The following CSF2RA variants were observed in gnomAD, a reference collection of about 807,000 sequenced individuals.
CSF2RA encodes the protein granulocyte-macrophage colony-stimulating factor receptor subunit alpha.
Under a neutral mutation model 51.6 loss-of-function variants are expected in CSF2RA, and 42 were observed. That is an observed-to-expected ratio of 0.81 (90% CI 0.64 to 1.05). The LOEUF is 1.05. Among genes scored for constraint, CSF2RA ranks in the 50% least tolerant of loss-of-function variants. The pLI is 0.00. For missense variants in CSF2RA, 530 were observed against 501.1 expected, an observed-to-expected ratio of 1.06 and a Z score of -0.55; for synonymous variants, 222 against 193.0, an observed-to-expected ratio of 1.15 and a Z score of -1.24.
chrX:1,286,500 C>T (rs1384643421), intron 4 of CSF2RA, among the ~76,000 whole-genome samples: 22 of 147,988 alleles, frequency 1.5e-4, no homozygotes, highest in East Asian at 1.0e-3. Flanking sequence ...ACTCGGGAGG[C>T]GGAGGTTGCG....
At chrX:1,315,585 T>C in the CSF2RA span, among the ~76,000 whole-genome samples, 9 of 151,690 alleles carry the variant, frequency 5.9e-5, no homozygotes, top group African/African-American at 1.9e-4. Context: ...TTATATTTTT[T>C]GTAGAGACAG....
At chrX:1,295,294 G>C (rs1440051314) in intron 8 of CSF2RA, 133 bp from the exon 9 acceptor site, 2 of 1,116,332 alleles carry the variant, frequency 1.8e-6, no homozygotes, top group African/African-American at 3.1e-5. Context: ...TTTGTGGAGG[G>C]AGACCTGCCT....
intron 6 of CSF2RA, 166 bp downstream of exon 6, chrX:1,289,054 T>A: frequency 2.3e-6 from 2 of 884,950 alleles, no homozygotes; most frequent in Non-Finnish European, 3.5e-6. Context: ...CTCGACCTCC[T>A]GGGTTCAAGC....
intron 3 of CSF2RA, among the ~76,000 whole-genome samples, chrX:1,285,210 T>C (rs1212800107): frequency 1.3e-5 from 2 of 152,012 alleles, no homozygotes; most frequent in Non-Finnish European, 2.9e-5. Flanking sequence ...CTTCAGATGA[T>C]TTTTGAATAT....
chrX:1,310,082 C>T, downstream of CSF2RA: 1 of 325,916 alleles, frequency 3.1e-6, no homozygotes, highest in Non-Finnish European at 5.5e-6. Context: ...GTAGTGCCAG[C>T]TATCTGGGAG....
chrX:1,295,005 G>A (rs1455506335), intron 8 of CSF2RA, among the ~76,000 whole-genome samples: 1 of 148,510 alleles, frequency 6.7e-6, no homozygotes, highest in South Asian at 2.1e-4. Flanking sequence ...TAGACAAGAG[G>A]AGATCTTGTC....
intron 12 of CSF2RA, among the ~76,000 whole-genome samples, chrX:1,307,048 G>A (rs1186056123): frequency 1.3e-5 from 2 of 151,594 alleles, no homozygotes; most frequent in Non-Finnish European, 2.9e-5. Context: ...CAAGGGCGAG[G>A]AACCATGTGA....
the CSF2RA span, among the ~76,000 whole-genome samples, chrX:1,317,987 T>C: frequency 6.7e-6 from 1 of 148,206 alleles, no homozygotes; most frequent in Non-Finnish European, 1.5e-5. Context: ...TTTTCTTTTC[T>C]TTTTTTTTCT....
At chrX:1,298,551 C>T (rs1175177167) in intron 9 of CSF2RA, among the ~76,000 whole-genome samples, 5 of 104,208 alleles carry the variant, frequency 4.8e-5, no homozygotes, top group Admixed American at 2.2e-4. Flanking sequence ...TACTCACAAC[C>T]CCCGGTGGAA....
intron 9 of CSF2RA, 30 bp downstream of exon 9, chrX:1,295,486 C>T (rs369089209): frequency 9.9e-6 from 16 of 1,613,038 alleles, no homozygotes; most frequent in Admixed American, 1.7e-5. Context: ...CTACTGACAA[C>T]CCTCAGCGTA....
At chrX:1,314,934 A>AT (rs2084487719), downstream of CSF2RA, among the ~76,000 whole-genome samples, 1 of 82,646 alleles carries the variant, frequency 1.2e-5, no homozygotes, top group African/African-American at 4.7e-5. Flanking sequence ...ACCGCACTGC[A>AT]CTTGCCCAAC....
chrX:1,290,103 TTTTG>T (rs1211325192), intron 6 of CSF2RA, among the ~76,000 whole-genome samples: 5 of 149,260 alleles, frequency 3.3e-5, no homozygotes, highest in African/African-American at 1.2e-4. Flanking sequence ...TTGTGTTTGT[TTTTG>T]TTTTGTGTTT....
intron 12 of CSF2RA, 174 bp downstream of exon 12, chrX:1,305,701 C>A (rs2083495528): frequency 6.4e-7 from 1 of 1,560,120 alleles, no homozygotes; most frequent in Admixed American, 1.9e-5. Flanking sequence ...GGGTCGGGGT[C>A]TTCTCCAAGG....
downstream of CSF2RA, among the ~76,000 whole-genome samples, chrX:1,315,210 A>C (rs67227441): frequency 0.81 from 122,411 of 151,748 alleles, 49,971 homozygotes; most frequent in African/African-American, 0.94. Flanking sequence ...TATGATGAGG[A>C]CAGGTGTGGT....
At chrX:1,313,004 C>T (rs189366955), downstream of CSF2RA, among the ~76,000 whole-genome samples, 4 of 152,116 alleles carry the variant, frequency 2.6e-5, no homozygotes, top group Admixed American at 1.3e-4. Context: ...GAGGAGGAGA[C>T]TCCCACAGGG....
the CSF2RA span, among the ~76,000 whole-genome samples, chrX:1,322,893 G>A: frequency 6.6e-6 from 1 of 151,716 alleles, no homozygotes; most frequent in Non-Finnish European, 1.5e-5. Flanking sequence ...ACTTTGGGAG[G>A]CCAAGACAGG....
intron 2 of CSF2RA, among the ~76,000 whole-genome samples, chrX:1,276,364 T>A (rs765750783): frequency 5.3e-5 from 5 of 93,860 alleles, no homozygotes; most frequent in Non-Finnish European, 5.7e-5. Flanking sequence ...GTTTATATAT[T>A]TATTTATTTA....
At chrX:1,277,122 C>T (rs2089283091) in intron 2 of CSF2RA, among the ~76,000 whole-genome samples, 1 of 151,230 alleles carries the variant, frequency 6.6e-6, no homozygotes. Context: ...AAAGCTTACG[C>T]AGTAGCTGAG....
chrX:1,288,545 A>G lies in CSF2RA; in HGVS notation c.246A>G (p.Thr82=). The part of the protein sequence containing the change: ...PRLSNNECSC[T]FREICLHEGV... The stretch of plus-strand genomic sequence containing the variant: ...TCAGTAACAACGAATGTTCGTGCAC[A>G]TTTCGTGAAATTTGTCTGCATGAAG... Residue 82 remains threonine, a synonymous_variant, in exon 5 of 13, where the codon ACA becomes ACG. Transcript: ENST00000381529. 6.2e-7 allele frequency: 1 copy of G among 1,613,884 alleles called. No individual in the cohort carries two copies. Among genetic ancestry groups the G allele is most frequent in the Non-Finnish European group, 8.5e-7 (1 of 1,179,850 alleles).
Sources: allele counts gnomAD v4.1 joint callset (sites outside exome capture counted in the v4.1 genomes callset), GRCh38; gene constraint gnomAD v4.1.1; transcripts MANE v1.5; gene names NCBI Gene and HGNC (gene_info 2026-07-23, HGNC 2026-07-21).